ANKRD28: variants seen among roughly 807,000 people sequenced by gnomAD.
ANKRD28 encodes ankyrin repeat domain 28.
A neutral mutation model predicts 126.5 loss-of-function variants in ANKRD28; 44 were observed. The observed-to-expected ratio is 0.35, with a 90% CI of 0.27 to 0.45. The LOEUF (loss-of-function observed/expected upper bound fraction) is 0.45, where lower values mean the gene tolerates loss of function less well. ANKRD28 is among the 20% of genes least tolerant of loss of function. ANKRD28 has a pLI of 1.00. For synonymous variants in ANKRD28, 442 were observed against 468.5 expected (o/e 0.94, Z 0.73); for missense variants, 1,110 against 1,316.6 (o/e 0.84, Z 2.43).
At chr3:15,680,493 C>T (rs1210085058) in intron 21 of ANKRD28, among the ~76,000 whole-genome samples, 1 of 152,084 alleles carries the variant, frequency 6.6e-6, no homozygotes, top group Non-Finnish European at 1.5e-5. Flanking sequence ...AGGTGTGAGC[C>T]ACCATGCCCG....
At position 15,838,723 on chromosome 3, in the gene ANKRD28, G is replaced by A. The variant is rs2061371394; in HGVS notation, c.27+20654C>T. Among the ~76,000 whole-genome samples the A allele has an allele frequency of 6.7e-6, 1 of 150,266 alleles. No homozygotes were observed. On this transcript the variant is annotated intron_variant, in intron 1 of 27. Transcript: ENST00000399451. The surrounding 1 kb of genome is among the most constrained non-coding windows in gnomAD (Gnocchi z 4.0). ...GGACCACGCCACTGCACTCCAGCCT[G>A]GGCAACAAGAACGAAACTCCGTCTC...
At chr3:15,856,182 T>C (rs989676922) in intron 1 of ANKRD28, among the ~76,000 whole-genome samples, 4 of 151,080 alleles carry the variant, frequency 2.6e-5, no homozygotes, top group East Asian at 3.9e-4. Context: ...TCTGGATTTC[T>C]GGCTTCCAAA....
At chr3:15,749,260 G>A (rs1230059385) in intron 4 of ANKRD28, among the ~76,000 whole-genome samples, 7 of 150,754 alleles carry the variant, frequency 4.6e-5, no homozygotes, top group South Asian at 2.1e-4. Context: ...ACAGGCGCCC[G>A]CCACCGCGCC....
At chr3:15,781,055 T>A (rs2059515760) in intron 2 of ANKRD28, among the ~76,000 whole-genome samples, 1 of 150,152 alleles carries the variant, frequency 6.7e-6, no homozygotes, top group Non-Finnish European at 1.5e-5. Context: ...AAACAAAAAC[T>A]GGCAAATGGG....
intron 2 of ANKRD28, among the ~76,000 whole-genome samples, chr3:15,770,967 T>C (rs1012489742): frequency 6.6e-6 from 1 of 152,224 alleles, no homozygotes; most frequent in Non-Finnish European, 1.5e-5. Flanking sequence ...TTATTTACTG[T>C]GTAAAATTAT....
chr3:15,826,762 G>A (rs1002731077), intron 1 of ANKRD28, among the ~76,000 whole-genome samples: 3 of 152,048 alleles, frequency 2.0e-5, no homozygotes, highest in South Asian at 2.1e-4. Flanking sequence ...CTGAAATGGC[G>A]GCAAAATTGG....
chr3:15,692,166 A>AAT (rs71045178), intron 17 of ANKRD28, among the ~76,000 whole-genome samples: 1 of 149,448 alleles, frequency 6.7e-6, no homozygotes, highest in East Asian at 2.0e-4. Flanking sequence ...AAAAAAAAAA[A>AAT]TGAGGTTGGG....
At chr3:15,772,531 C>T (rs1206081117) in intron 2 of ANKRD28, among the ~76,000 whole-genome samples, 3 of 152,182 alleles carry the variant, frequency 2.0e-5, no homozygotes, top group African/African-American at 7.2e-5. Context: ...TACTACATCA[C>T]GACCAACTGG....
chr3:15,844,440 T>C (rs1242518590), intron 1 of ANKRD28, among the ~76,000 whole-genome samples: 2 of 151,120 alleles, frequency 1.3e-5, no homozygotes, highest in African/African-American at 4.9e-5. Context: ...AAAAAAGTTG[T>C]GGTCAGAGAA....
Position 15,735,413 on chromosome 3 carries a change from T to C in ANKRD28, c.637A>G (p.Met213Val). The change falls in exon 6 of 28, where the codon ATG becomes GTG. Residue 213 changes from methionine (M) to valine (V), a missense_variant. Transcript: ENST00000683139. The stretch of plus-strand genomic sequence containing the variant: ...ACTAAATTTAAAAAGTACATACCCA[T>C]ATATGCTGCCCAATGGATAGCACGC... ...DRRAIHWAAY[M>V]GHIEVVKLLV... The C allele has an allele frequency of 6.4e-7, 1 of 1,553,524 alleles. No individual in the cohort carries two copies. The highest frequency in any genetic ancestry group is 8.7e-7 in the Non-Finnish European group (1 of 1,147,208).
intron 1 of ANKRD28, among the ~76,000 whole-genome samples, chr3:15,842,944 A>C (rs1482860368): frequency 6.6e-6 from 1 of 152,222 alleles, no homozygotes; most frequent in Non-Finnish European, 1.5e-5. Context: ...GGACAGAAAC[A>C]AGCCTTGTTA....
intron 3 of ANKRD28, among the ~76,000 whole-genome samples, chr3:15,763,193 GA>G (rs929793016): frequency 6.6e-5 from 10 of 152,158 alleles, no homozygotes; most frequent in African/African-American, 2.4e-4. Context: ...AGTCTAAAGA[GA>G]AAAAAGTCTA....
At chr3:15,805,524 C>A (rs1209101778) in intron 1 of ANKRD28, among the ~76,000 whole-genome samples, 1 of 152,080 alleles carries the variant, frequency 6.6e-6, no homozygotes, top group African/African-American at 2.4e-5. Flanking sequence ...TAAACACATT[C>A]TCTGAAATCT....
rs376633083 is a variant in ANKRD28, at chr3:15,694,517, CTTTT to C, written c.1761+218_1761+221del. 2.8e-5 allele frequency among the ~76,000 whole-genome samples: 4 copies of C among 142,648 alleles called. No individual in the cohort carries two copies. In the East Asian group the frequency reaches 8.0e-4, roughly 29 times the overall value. The allele number at this position is 142,648 out of a possible 152,430, so 93.6% of individuals were successfully genotyped here. Reference sequence around the variant, plus strand: ...GGGAAGCCTAAGGATCACTGTCTGTCTTTTTTTTTTTTTTCTAAAGCAAGAAACA... The same window carrying C: ...GGGAAGCCTAAGGATCACTGTCTGTCTTTTTTTTTTCTAAAGCAAGAAACA... On this transcript the variant is annotated intron_variant, in intron 17 of 27. Transcript: ENST00000683139.
At chr3:15,706,141 G>A (rs935090796) in intron 14 of ANKRD28, among the ~76,000 whole-genome samples, 2 of 151,634 alleles carry the variant, frequency 1.3e-5, no homozygotes, top group Non-Finnish European at 2.9e-5. Flanking sequence ...TGCACAATAT[G>A]CAGGTTTGGC....
chr3:15,714,848 C>T (rs2072813352), intron 8 of ANKRD28, among the ~76,000 whole-genome samples, 192 bp from the exon 9 acceptor site: 1 of 152,004 alleles, frequency 6.6e-6, no homozygotes, highest in Admixed American at 6.6e-5. Context: ...TATCATAAAA[C>T]ACAAATATAC....
intron 2 of ANKRD28, among the ~76,000 whole-genome samples, chr3:15,791,872 G>T (rs1053916127): frequency 1.3e-5 from 2 of 152,052 alleles, no homozygotes; most frequent in Non-Finnish European, 2.9e-5. Context: ...CTAATAACCA[G>T]AATATAAGGA....
intron 2 of ANKRD28, among the ~76,000 whole-genome samples, chr3:15,793,992 C>T (rs775225877): frequency 1.1e-4 from 17 of 152,116 alleles, no homozygotes; most frequent in African/African-American, 1.7e-4. Context: ...ATCGCTTGAA[C>T]CCGGGAGGCA....
chr3:15,682,442 C>T (rs180821195), intron 21 of ANKRD28, among the ~76,000 whole-genome samples: 1 of 152,256 alleles, frequency 6.6e-6, no homozygotes, highest in African/African-American at 2.4e-5. Context: ...AACTTTCTAT[C>T]ATCATTTATG....
Sources: gnomAD v4.1 joint callset for allele counts (sites outside exome capture counted in the v4.1 genomes callset) on GRCh38, gnomAD v4.1.1 for gene constraint, Gnocchi (gnomAD v3.1) non-coding constraint, MANE v1.5 for transcripts, NCBI Gene and HGNC (gene_info 2026-07-23, HGNC 2026-07-21) for gene names.